The following SLC9A7 variants were observed in gnomAD, a reference collection of about 807,000 sequenced individuals.
The protein encoded by SLC9A7 is solute carrier family 9 member A7.
Under a neutral mutation model 52.6 loss-of-function variants are expected in SLC9A7, and 19 were observed. The observed-to-expected ratio is 0.36, with a 90% CI of 0.25 to 0.53. SLC9A7 has a LOEUF of 0.53. Ranked by LOEUF, SLC9A7 falls within the 20% of genes least tolerant of loss-of-function variation. The pLI is 0.91. For synonymous variants in SLC9A7, 226 were observed against 252.1 expected (o/e 0.90, Z 0.98); for missense variants, 455 against 597.9 (o/e 0.76, Z 2.49).
At chrX:46,616,723 G>C (rs949282326) in intron 15 of SLC9A7, among the ~76,000 whole-genome samples, 1 of 111,646 alleles carries the variant, frequency 9.0e-6, no homozygotes, top group Non-Finnish European at 1.9e-5. Context: ...TTGACAGTTT[G>C]GGTGTAGAAT....
intron 15 of SLC9A7, among the ~76,000 whole-genome samples, chrX:46,617,775 G>A (rs1005811902): frequency 2.7e-5 from 3 of 111,735 alleles, no homozygotes; most frequent in South Asian, 7.5e-4. Flanking sequence ...TTCCTCTTCA[G>A]AGGATCAGTT....
intron 1 of SLC9A7, among the ~76,000 whole-genome samples, chrX:46,733,476 T>C (rs1271345101): frequency 8.9e-6 from 1 of 111,821 alleles, no homozygotes; most frequent in Non-Finnish European, 1.9e-5. Context: ...AAACACTATA[T>C]ACATGTATAC....
chrX:46,717,197 C>T (rs1213264831), intron 1 of SLC9A7, among the ~76,000 whole-genome samples: 1 of 112,368 alleles, frequency 8.9e-6, no homozygotes, highest in Non-Finnish European at 1.9e-5. Flanking sequence ...ATACATTATA[C>T]ATACTAATTA....
chrX:46,682,960 A>AT (rs1169630244), intron 1 of SLC9A7, among the ~76,000 whole-genome samples: 2,995 of 64,835 alleles, frequency 0.046, 261 homozygotes, highest in African/African-American at 0.17. Flanking sequence ...CACCCGGCTA[A>AT]TTTTTTTTTT....
At chrX:46,686,985 T>C (rs1944305519) in intron 1 of SLC9A7, among the ~76,000 whole-genome samples, 1 of 111,994 alleles carries the variant, frequency 8.9e-6, no homozygotes, top group African/African-American at 3.3e-5. Context: ...ATATATATAG[T>C]TTATGTATGT....
intron 5 of SLC9A7, among the ~76,000 whole-genome samples, chrX:46,668,746 G>A (rs1320641662): frequency 3.6e-5 from 4 of 111,863 alleles, no homozygotes; most frequent in African/African-American, 1.3e-4. Context: ...AGGGGCTGCA[G>A]GGAAGGGGGA....
In SLC9A7 at chrX:46,740,242, A is replaced by G. The variant is rs1242779303; in HGVS notation, c.325+18463T>C. On this transcript the variant is annotated intron_variant, in intron 1 of 16. Transcript: ENST00000616978. ...ATTAAAGCTTCCCTAAAGGCCATAT[A>G]TGACAAACCCACAACTAACATCATA... is the stretch of plus-strand genomic sequence containing the variant. Among the ~76,000 whole-genome samples, 4 of 111,796 alleles carry G rather than the reference A, an allele frequency of 3.6e-5. No individual in the cohort carries two copies. In the East Asian group the frequency reaches 1.1e-3, roughly 31 times the overall value.
At position 46,748,414 on chromosome X, in the gene SLC9A7, A is replaced by AGGAAGGAC. The variant is rs1266188596; in HGVS notation, c.325+10290_325+10291insGTCCTTCC. 1.1e-4 allele frequency among the ~76,000 whole-genome samples: 11 copies of AGGAAGGAC among 96,490 alleles called. No individual in the cohort carries two copies. The East Asian group carries it at 2.5e-3, about 22-fold the overall frequency. 83.8% of individuals were successfully genotyped at this position (96,490 alleles called of 115,157 possible). ...AAGGAAGGAAGGAAGGAAGGAAGGA[A>AGGAAGGAC]GGACAGACAGAAGGAAGGAAAACAA... On this transcript the variant is annotated intron_variant, in intron 1 of 16. Coordinates refer to ENST00000616978, the MANE Select transcript of SLC9A7 (RefSeq NM_001257291.2).
chrX:46,675,061 ATGTG>A (rs397895552), intron 3 of SLC9A7, among the ~76,000 whole-genome samples: 4,226 of 68,712 alleles, frequency 0.062, 122 homozygotes, highest in Non-Finnish European at 0.087. Context: ...GAGAGAGTGA[ATGTG>A]TGTGTGTGTG....
chrX:46,663,929 A>T (rs1339338728), intron 5 of SLC9A7, among the ~76,000 whole-genome samples: 1 of 112,140 alleles, frequency 8.9e-6, no homozygotes. Context: ...ATTGCACTCC[A>T]GCCTGGGCAA....
chrX:46,753,524 A>C (rs1248962912), intron 1 of SLC9A7, among the ~76,000 whole-genome samples: 1 of 112,148 alleles, frequency 8.9e-6, no homozygotes, highest in African/African-American at 3.2e-5. Context: ...TTATCGCTGC[A>C]TAGTATTCCT....
Position 46,606,550 on chromosome X carries a change from T to G in SLC9A7, c.*402A>C, listed in dbSNP as rs1159546279. ...CCTTCCTTCTCTTTAACTTGATAAT[T>G]CTATGGTCAGCTTGACTTGCACTGC... On this transcript the variant is annotated 3_prime_UTR_variant, in exon 17 of 17. Transcript: ENST00000616978. 1.3e-6 allele frequency: 1 copy of G among 779,323 alleles called. No homozygotes were observed. The highest frequency in any genetic ancestry group is 2.2e-5 in the African/African-American group (1 of 44,461). The allele number at this position is 779,323 out of a possible 1,213,427, so 64.2% of individuals were successfully genotyped here.
At chrX:46,642,643 G>A (rs1297431148) in intron 12 of SLC9A7, among the ~76,000 whole-genome samples, 5 of 111,707 alleles carry the variant, frequency 4.5e-5, no homozygotes, top group Non-Finnish European at 7.5e-5. Flanking sequence ...GAATTCAAGC[G>A]CTCTTGAAAA....
intron 1 of SLC9A7, among the ~76,000 whole-genome samples, chrX:46,724,420 C>T (rs1944911624): frequency 8.9e-6 from 1 of 111,981 alleles, no homozygotes; most frequent in African/African-American, 3.2e-5. Flanking sequence ...GAGTTATAGG[C>T]TAAAATGACA....
intron 11 of SLC9A7, among the ~76,000 whole-genome samples, chrX:46,643,652 T>C (rs1008045658): frequency 2.7e-5 from 3 of 112,163 alleles, no homozygotes; most frequent in Non-Finnish European, 5.6e-5. Context: ...ATTACTTACA[T>C]GATTCTGCTA....
intron 11 of SLC9A7, among the ~76,000 whole-genome samples, chrX:46,644,636 C>CA (rs146198116): frequency 0.021 from 1,386 of 66,227 alleles, 31 homozygotes; most frequent in African/African-American, 0.08. Flanking sequence ...GGCTGTGTCT[C>CA]AAAAAAAAAA....
chrX:46,646,568 G>A (rs1050192783), intron 11 of SLC9A7: 7 of 200,801 alleles, frequency 3.5e-5, no homozygotes, highest in Non-Finnish European at 5.9e-5. Context: ...AGGTGTTCCC[G>A]GCGAAAGTAG....
intron 1 of SLC9A7, among the ~76,000 whole-genome samples, chrX:46,692,803 G>C (rs1462553487): frequency 1.8e-5 from 2 of 111,112 alleles, no homozygotes; most frequent in Non-Finnish European, 3.8e-5. Context: ...CAGACAGTGA[G>C]GGGGCTCACC....
chrX:46,698,417 G>A (rs760760393), intron 1 of SLC9A7, among the ~76,000 whole-genome samples: 116 of 112,213 alleles, frequency 1.0e-3, no homozygotes, highest in Non-Finnish European at 1.9e-3. Flanking sequence ...AAGAACCTAC[G>A]TGAATATTGG....
Sources: gnomAD v4.1 joint callset for allele counts (sites outside exome capture counted in the v4.1 genomes callset) on GRCh38, gnomAD v4.1.1 for gene constraint, MANE v1.5 for transcripts, NCBI Gene and HGNC (gene_info 2026-07-23, HGNC 2026-07-21) for gene names.